Variants in MARCHF1 observed in about 807,000 individuals in gnomAD.
The protein encoded by MARCHF1 is membrane associated ring-CH-type finger 1.
In MARCHF1, 40 loss-of-function variants were observed where a neutral mutation model predicts 54.2. The ratio of observed to expected loss-of-function variants is 0.74; its 90% confidence interval spans 0.57 to 0.96. The LOEUF (loss-of-function observed/expected upper bound fraction) is 0.96, where lower values mean the gene tolerates loss of function less well. MARCHF1 is among the 40% of genes least tolerant of loss of function. The pLI, the probability that MARCHF1 is intolerant of heterozygous loss-of-function variation, is 0.00. For missense variants in MARCHF1, 586 were observed against 656.5 expected, an observed-to-expected ratio of 0.89 and a Z score of 1.17; for synonymous variants, 236 against 236.3, an observed-to-expected ratio of 1.00 and a Z score of 0.01.
At chr4:164,351,656 G>A (rs1730339991) in intron 1 of MARCHF1, among the ~76,000 whole-genome samples, 1 of 151,966 alleles carries the variant, frequency 6.6e-6, no homozygotes, top group African/African-American at 2.4e-5. Context: ...CCACAAAGAT[G>A]GGGAAAAAAC....
rs187813332 is a variant in MARCHF1 at position 164,357,587 on chromosome 4, T to G, written c.-323+26283A>C. Among the ~76,000 whole-genome samples, 3 of 152,282 alleles carry G rather than the reference T, an allele frequency of 2.0e-5. No homozygotes were observed. The East Asian group carries it at 5.8e-4, about 29-fold the overall frequency. ...GGTGTAATTCAGTCTACCACACCCATGTAAGATAATAAGAGATGCTAATTT... is the reference window on the plus strand; with the variant it reads ...GGTGTAATTCAGTCTACCACACCCAGGTAAGATAATAAGAGATGCTAATTT... On this transcript the variant is annotated intron_variant, in intron 1 of 9. Coordinates refer to ENST00000514618, the MANE Select transcript of MARCHF1 (RefSeq NM_001394959.1).
intron 1 of MARCHF1, among the ~76,000 whole-genome samples, chr4:164,186,026 G>A (rs2111030722): frequency 6.6e-6 from 1 of 152,268 alleles, no homozygotes; most frequent in African/African-American, 2.4e-5. Context: ...CAGAGTAGCA[G>A]GGACTACAGG....
intron 1 of MARCHF1, among the ~76,000 whole-genome samples, chr4:164,218,394 T>C (rs74467301): frequency 0.018 from 2,724 of 151,940 alleles, 101 homozygotes; most frequent in East Asian, 0.12. Flanking sequence ...GTTGCATTAA[T>C]GAGGTTAGAG....
chr4:164,034,116 T>TAGATAGAG (rs1753944578), intron 2 of MARCHF1, among the ~76,000 whole-genome samples: 7 of 107,218 alleles, frequency 6.5e-5, no homozygotes, highest in Non-Finnish European at 1.1e-4. Context: ...GATAGATAGA[T>TAGATAGAG]AGAGATATAT....
chr4:163,535,679 A>G (rs1738503892), intron 9 of MARCHF1, among the ~76,000 whole-genome samples: 1 of 152,116 alleles, frequency 6.6e-6, no homozygotes, highest in South Asian at 2.1e-4. Flanking sequence ...CAGTGGCATC[A>G]AACGGTAGTT....
At chr4:164,097,059 A>G (rs1266689593) in intron 2 of MARCHF1, among the ~76,000 whole-genome samples, 1 of 152,168 alleles carries the variant, frequency 6.6e-6, no homozygotes, top group Non-Finnish European at 1.5e-5. Flanking sequence ...TATAATTAAG[A>G]CTTTAAAAAC....
intron 7 of MARCHF1, among the ~76,000 whole-genome samples, chr4:163,603,465 C>T (rs1316538256): frequency 6.6e-6 from 1 of 152,228 alleles, no homozygotes; most frequent in East Asian, 1.9e-4. Context: ...CTCGACAGGG[C>T]TTTCACCAAT....
At position 163,820,692 on chromosome 4, in the gene MARCHF1, C is replaced by T. The variant is rs566954239; in HGVS notation, c.111+33329G>A. On this transcript the variant is annotated intron_variant, in intron 4 of 9. Coordinates refer to ENST00000514618, the MANE Select transcript of MARCHF1 (RefSeq NM_001394959.1). ...TCAAAGTCTACTAGTTGGAAAGCTA[C>T]GGTGGTTTTAGAGCCCTCTCTCTCA... Among the ~76,000 whole-genome samples the T allele has an allele frequency of 1.6e-4, 24 of 152,096 alleles. 1 individual carries two copies. The highest frequency in any genetic ancestry group is 1.0e-3 in the South Asian group (5 of 4,822).
chr4:163,879,922 C>G (rs1483530052), intron 3 of MARCHF1, among the ~76,000 whole-genome samples: 1 of 151,252 alleles, frequency 6.6e-6, no homozygotes, highest in Admixed American at 6.6e-5. Flanking sequence ...AGAAATTTTG[C>G]TTTTCTTTAG....
chr4:164,157,131 A>C (rs1402860843), intron 1 of MARCHF1, among the ~76,000 whole-genome samples: 1 of 151,986 alleles, frequency 6.6e-6, no homozygotes. Context: ...CATAGATGGA[A>C]AATCTTAAGA....
chr4:164,320,071 A>C (rs1016984978), intron 1 of MARCHF1, among the ~76,000 whole-genome samples: 6 of 152,178 alleles, frequency 3.9e-5, no homozygotes, highest in African/African-American at 1.4e-4. Context: ...TCACACATCC[A>C]TGAGTCTAAT....
At chr4:164,217,405 G>C (rs1035344523) in intron 1 of MARCHF1, among the ~76,000 whole-genome samples, 22 of 152,164 alleles carry the variant, frequency 1.4e-4, no homozygotes, top group African/African-American at 4.8e-4. Flanking sequence ...ATGATTCTGT[G>C]TATTCATTCA....
intron 3 of MARCHF1, among the ~76,000 whole-genome samples, chr4:163,883,143 G>T (rs1395081097): frequency 6.6e-6 from 1 of 151,808 alleles, no homozygotes; most frequent in East Asian, 1.9e-4. Flanking sequence ...GTTAACATTT[G>T]TTCCTGCCTG....
intron 5 of MARCHF1, among the ~76,000 whole-genome samples, chr4:163,667,758 T>C (rs941057652): frequency 6.6e-6 from 1 of 151,994 alleles, no homozygotes; most frequent in Non-Finnish European, 1.5e-5. Flanking sequence ...CCCGAGTAAC[T>C]GGAATTACAG....
rs186784910 is a variant in MARCHF1 at position 164,059,165 on chromosome 4, A to T, written c.-248+52423T>A. On this transcript the variant is annotated intron_variant, in intron 2 of 9. Coordinates refer to ENST00000514618, the MANE Select transcript of MARCHF1 (RefSeq NM_001394959.1). ...AATATAAGCTGCCAATTCCTCCAGGATCTGCCTCAAAATATTAAAAGAAAT... is the reference window on the plus strand; with the variant it reads ...AATATAAGCTGCCAATTCCTCCAGGTTCTGCCTCAAAATATTAAAAGAAAT... Among the ~76,000 whole-genome samples, 3 of 152,334 alleles carry T rather than the reference A, an allele frequency of 2.0e-5. No homozygotes were observed. In the East Asian group the frequency reaches 5.8e-4, roughly 29 times the overall value.
At chr4:163,626,711 G>A (rs1374502851) in intron 5 of MARCHF1, among the ~76,000 whole-genome samples, 1 of 152,252 alleles carries the variant, frequency 6.6e-6, no homozygotes, top group Middle Eastern at 3.4e-3. Context: ...GGTGGATCAT[G>A]AGGTCAGGAC....
chr4:164,277,280 A>T (rs982138304), intron 1 of MARCHF1, among the ~76,000 whole-genome samples: 1 of 152,294 alleles, frequency 6.6e-6, no homozygotes, highest in Non-Finnish European at 1.5e-5. Context: ...AATATCTGAC[A>T]AACAGTGGGC....
intron 1 of MARCHF1, among the ~76,000 whole-genome samples, chr4:164,349,108 C>G (rs773009866): frequency 3.5e-4 from 53 of 152,140 alleles, no homozygotes; most frequent in Non-Finnish European, 6.3e-4. Flanking sequence ...ATTAGTCCCT[C>G]TCCCTACCAG....
intron 4 of MARCHF1, among the ~76,000 whole-genome samples, chr4:163,820,199 C>A (rs1560771359): frequency 6.6e-6 from 1 of 152,048 alleles, no homozygotes; most frequent in South Asian, 2.1e-4. Flanking sequence ...GACTTTACAT[C>A]ACCGAATCCA....
Sources: allele counts gnomAD v4.1 joint callset (sites outside exome capture counted in the v4.1 genomes callset), GRCh38; gene constraint gnomAD v4.1.1; transcripts MANE v1.5; gene names NCBI Gene and HGNC (gene_info 2026-07-23, HGNC 2026-07-21).